Variants in MON2 observed in about 807,000 individuals in gnomAD.
MON2 encodes the protein MON2 regulator of endosome-to-Golgi trafficking, also known as protein MON2 homolog.
A neutral mutation model predicts 208.6 loss-of-function variants in MON2; 84 were observed. The observed-to-expected ratio is 0.40, with a 90% CI of 0.34 to 0.48. The LOEUF (loss-of-function observed/expected upper bound fraction) is 0.48. MON2 is among the 20% of genes least tolerant of loss of function. The probability of loss-of-function intolerance (pLI) is 0.59; values close to 1 mark genes in which losing one functional copy is unlikely to be tolerated. For synonymous variants in MON2, 660 were observed against 694.0 expected, an observed-to-expected ratio of 0.95 and a Z score of 0.77; for missense variants, 1,611 against 2,015.4, an observed-to-expected ratio of 0.80 and a Z score of 3.84.
rs201799263 is a variant in MON2 at position 62,543,155 on chromosome 12, G to C, written c.2423G>C (p.Arg808Pro). 1 of 1,572,406 alleles carries C rather than the reference G, an allele frequency of 6.4e-7. No individual in the cohort carries two copies. The highest frequency in any genetic ancestry group is 2.4e-5 in the East Asian group (1 of 42,358). Residue 808 changes from arginine (R) to proline (P), a missense_variant, in exon 20 of 35, where the codon CGA (arginine) becomes CCA (proline). Physicochemically the swap from Arg to Pro is moderately radical, Grantham distance 103 (BLOSUM62 -2). Transcript: ENST00000393630. ...LLETGLVNMH[R>P]IEILWRPLTG... ...GAAACTGGTTTAGTTAATATGCACC[G>C]AATAGAAATTCTGTGGAGACCTCTG...
intron 12 of MON2, among the ~76,000 whole-genome samples, chr12:62,534,572 A>ATATATATATATATATATATATATTT (rs2072874829): frequency 8.0e-6 from 1 of 125,772 alleles, no homozygotes; most frequent in Non-Finnish European, 1.6e-5. Context: ...TATATATTTT[A>ATATATATATATATATATATATATTT]TATATATATA....
At chr12:62,469,319 C>T (rs2068673073) in intron 1 of MON2, among the ~76,000 whole-genome samples, 1 of 152,088 alleles carries the variant, frequency 6.6e-6, no homozygotes, top group South Asian at 2.1e-4. Context: ...GTACTCCAGC[C>T]TGGGAGACAG....
chr12:62,556,989 T>A (rs12424654), intron 25 of MON2, among the ~76,000 whole-genome samples: 26,794 of 151,968 alleles, frequency 0.18, 2,909 homozygotes, highest in Middle Eastern at 0.24. Context: ...GGAGGCTGAG[T>A]TGCAAGGCTT....
chr12:62,515,438 G>A (rs895540181), intron 8 of MON2, among the ~76,000 whole-genome samples: 1 of 152,176 alleles, frequency 6.6e-6, no homozygotes, highest in African/African-American at 2.4e-5. Flanking sequence ...AGAGAAAATG[G>A]AATGGTCGTT....
intron 8 of MON2, among the ~76,000 whole-genome samples, chr12:62,514,752 T>A (rs2071602357): frequency 6.6e-6 from 1 of 152,208 alleles, no homozygotes; most frequent in Non-Finnish European, 1.5e-5. Context: ...AAAGGGTTAA[T>A]ATTCAAAATA....
At chr12:62,492,929 A>G (rs2070247089) in intron 2 of MON2, among the ~76,000 whole-genome samples, 1 of 151,892 alleles carries the variant, frequency 6.6e-6, no homozygotes, top group African/African-American at 2.4e-5. Context: ...CAGTGAGCCA[A>G]GATCGTGCCA....
chr12:62,588,835 T>G (rs2136502400), intron 34 of MON2: 1 of 1,404,324 alleles, frequency 7.1e-7, no homozygotes, highest in Non-Finnish European at 9.6e-7. Context: ...TTTTCAACCT[T>G]TTGTTTATTT....
In MON2 at chr12:62,565,251, A is replaced by G. The variant is rs560876602; in HGVS notation, c.4047A>G (p.Gly1349=). 1.9e-6 allele frequency: 3 copies of G among 1,612,496 alleles called. No individual in the cohort carries two copies. The highest frequency in any genetic ancestry group is 2.7e-5 in the African/African-American group (2 of 74,950). ...TGCTTTTATAGGCCATTTGTGTAGG[A>G]CCAGAAAACATGCAGATAATGTATC... ...LDVLQKAICV[G]PENMQIMYPA... is the part of the protein sequence containing the mutation. Residue 1349 remains glycine (G), a synonymous_variant, in exon 27 of 35, where the codon GGA becomes GGG. Coordinates refer to ENST00000393630, the MANE Select transcript of MON2 (RefSeq NM_015026.3).
intron 8 of MON2, among the ~76,000 whole-genome samples, chr12:62,517,998 TTA>T (rs1441081580): frequency 6.6e-6 from 1 of 152,218 alleles, no homozygotes; most frequent in African/African-American, 2.4e-5. Context: ...ACTGTGTAGC[TTA>T]AATCTCAAAG....
At chr12:62,504,049 T>C (rs2070975636) in intron 7 of MON2, among the ~76,000 whole-genome samples, 1 of 152,112 alleles carries the variant, frequency 6.6e-6, no homozygotes, top group South Asian at 2.1e-4. Context: ...ATAAACTCTA[T>C]GAGGCAGGGA....
chr12:62,562,303 T>C (rs908193985), intron 26 of MON2, among the ~76,000 whole-genome samples: 2 of 139,372 alleles, frequency 1.4e-5, no homozygotes, highest in Non-Finnish European at 1.6e-5. Context: ...AACAAGAAAC[T>C]TTTTTTTTTT....
chr12:62,537,409 G>A (rs2073027438), intron 15 of MON2, 146 bp downstream of exon 15: 4 of 682,568 alleles, frequency 5.9e-6, no homozygotes, highest in Non-Finnish European at 9.8e-6. Flanking sequence ...ACTAGTTTAT[G>A]CAGTTGACAT....
chr12:62,554,785 C>A (rs1455513036), intron 24 of MON2, among the ~76,000 whole-genome samples: 1 of 152,098 alleles, frequency 6.6e-6, no homozygotes, highest in Non-Finnish European at 1.5e-5. Context: ...AGGTGTGAGC[C>A]ATCTCCAGTA....
chr12:62,492,516 C>T (rs1291842624), intron 2 of MON2, among the ~76,000 whole-genome samples: 1 of 149,534 alleles, frequency 6.7e-6, no homozygotes, highest in Non-Finnish European at 1.5e-5. Flanking sequence ...GGACTACAGG[C>T]GCCCGCCACC....
At chr12:62,474,710 C>T (rs1007130369) in intron 1 of MON2, among the ~76,000 whole-genome samples, 1 of 152,224 alleles carries the variant, frequency 6.6e-6, no homozygotes, top group Non-Finnish European at 1.5e-5. Context: ...AGGTGTGAGC[C>T]ATCGCGGCCA....
intron 8 of MON2, among the ~76,000 whole-genome samples, chr12:62,523,548 A>G: frequency 6.6e-6 from 1 of 152,096 alleles, no homozygotes; most frequent in East Asian, 1.9e-4. Flanking sequence ...TGTCATTATG[A>G]TTATGTCCTT....
chr12:62,484,002 C>T (rs913667602), intron 1 of MON2, among the ~76,000 whole-genome samples, 168 bp from the exon 2 acceptor site: 3 of 152,110 alleles, frequency 2.0e-5, no homozygotes, highest in Non-Finnish European at 2.9e-5. Flanking sequence ...TTACATTTAA[C>T]GTATATGTCA....
intron 25 of MON2, chr12:62,560,097 T>G: frequency 9.8e-6 from 1 of 102,034 alleles, no homozygotes; most frequent in Non-Finnish European, 2.0e-5. Flanking sequence ...AGTACATACA[T>G]ATTTTGGGGT....
At chr12:62,469,133 T>G (rs2068662070) in intron 1 of MON2, among the ~76,000 whole-genome samples, 2 of 92,032 alleles carry the variant, frequency 2.2e-5, no homozygotes, top group African/African-American at 8.6e-5. Context: ...TTTTTTTTTT[T>G]GTAGAGACGG....
Sources: allele counts gnomAD v4.1 joint callset (sites outside exome capture counted in the v4.1 genomes callset), GRCh38; gene constraint gnomAD v4.1.1; transcripts MANE v1.5; gene names NCBI Gene and HGNC (gene_info 2026-07-23, HGNC 2026-07-21).